IL13RA1: variants seen among roughly 807,000 people sequenced by gnomAD.
The protein encoded by IL13RA1 is interleukin 13 receptor subunit alpha 1, also known as interleukin-13 receptor subunit alpha-1.
A neutral mutation model predicts 33.8 loss-of-function variants in IL13RA1; 14 were observed. The observed-to-expected ratio is 0.41, with a 90% confidence interval of 0.27 to 0.65. The LOEUF is 0.65. Among genes scored for constraint, IL13RA1 ranks in the 30% least tolerant of loss-of-function variants. The pLI is 0.28. For synonymous variants in IL13RA1, 116 were observed against 115.7 expected (o/e 1.00, Z -0.02); for missense variants, 313 against 327.0 (o/e 0.96, Z 0.33).
chrX:118,796,821 C>T (rs2018034844), downstream of IL13RA1, among the ~76,000 whole-genome samples: 1 of 112,911 alleles, frequency 8.9e-6, no homozygotes, highest in South Asian at 3.6e-4. Flanking sequence ...CAGGCGTGAG[C>T]CACCGTGCCT....
chrX:118,746,610 C>G (rs934835814), intron 2 of IL13RA1, among the ~76,000 whole-genome samples: 2 of 110,344 alleles, frequency 1.8e-5, no homozygotes, highest in Non-Finnish European at 3.8e-5. Flanking sequence ...GTATCTACAC[C>G]AGGGTTTCTC....
chrX:118,770,896 AC>A (rs2017712057), intron 8 of IL13RA1: 1 of 254,819 alleles, frequency 3.9e-6, no homozygotes, highest in Non-Finnish European at 7.3e-6. Context: ...CCTGCTTCTT[AC>A]CAAAATTCTG....
At chrX:118,766,249 G>A (rs2017647512) in intron 6 of IL13RA1, among the ~76,000 whole-genome samples, 1 of 110,948 alleles carries the variant, frequency 9.0e-6, no homozygotes, top group African/African-American at 3.3e-5. Context: ...CTATAGTTAT[G>A]TATTTATTAA....
chrX:118,734,610 T>C (rs1401954876), intron 1 of IL13RA1, among the ~76,000 whole-genome samples: 1 of 112,526 alleles, frequency 8.9e-6, no homozygotes, highest in African/African-American at 3.2e-5. Flanking sequence ...TAATGTGGTA[T>C]ATTACATTGA....
chrX:118,736,742 A>G (rs1401596232), intron 1 of IL13RA1, among the ~76,000 whole-genome samples: 1 of 111,889 alleles, frequency 8.9e-6, no homozygotes, highest in African/African-American at 3.2e-5. Flanking sequence ...GAGGAGCTGG[A>G]ACTACAGATT....
chrX:118,774,079 A>G (rs2017756176), intron 9 of IL13RA1, 104 bp downstream of exon 9: 5 of 458,408 alleles, frequency 1.1e-5, no homozygotes, highest in South Asian at 7.5e-5. Flanking sequence ...TATTAGAAGC[A>G]TGTTGCCTGT....
At position 118,760,655 on chromosome X, in the gene IL13RA1, T is replaced by C. The variant is rs183186783; in HGVS notation, c.677-483T>C. On this transcript the variant is annotated intron_variant, in intron 5 of 10. Coordinates refer to ENST00000371666, the MANE Select transcript of IL13RA1 (RefSeq NM_001560.3). ...AACTTCTTCTATAATTGTGGCTAAA[T>C]AGAAATTCTAAAACTATGTATCTGA... 1.7e-3 allele frequency among the ~76,000 whole-genome samples: 186 copies of C among 112,339 alleles called. 5 individuals carry two copies. The South Asian group carries it at 0.035, about 21-fold the overall frequency.
chrX:118,788,971 T>C (rs1159378863), intron 10 of IL13RA1, among the ~76,000 whole-genome samples: 2 of 112,227 alleles, frequency 1.8e-5, no homozygotes, highest in Non-Finnish European at 3.8e-5. Flanking sequence ...ATTTGGAATT[T>C]CAGATTTTTG....
intron 8 of IL13RA1, among the ~76,000 whole-genome samples, chrX:118,768,384 G>T (rs975112781): frequency 4.5e-5 from 5 of 111,988 alleles, no homozygotes; most frequent in African/African-American, 1.3e-4. Flanking sequence ...CAGTCAAGCT[G>T]CAATGAGAAC....
rs190094916 is a variant in IL13RA1, at chrX:118,765,958, A to T, written c.829-572A>T. On this transcript the variant is annotated intron_variant, in intron 6 of 10. Coordinates refer to ENST00000371666, the MANE Select transcript of IL13RA1 (RefSeq NM_001560.3). Reference sequence around the variant, plus strand: ...GTTCAAGTCTTTTGCCAGTTTTTTTAAAATTGGGTTTTCTGTTTTTGCCTT... The same window carrying T: ...GTTCAAGTCTTTTGCCAGTTTTTTTTAAATTGGGTTTTCTGTTTTTGCCTT... Among the ~76,000 whole-genome samples the T allele has an allele frequency of 3.3e-3, 369 of 112,101 alleles. 4 individuals are homozygous for T. The highest frequency in any genetic ancestry group is 0.011 in the African/African-American group (344 of 30,925).
At chrX:118,727,824 C>T in intron 1 of IL13RA1, 98 bp downstream of exon 1, 1 of 350,913 alleles carries the variant, frequency 2.8e-6, no homozygotes, top group Non-Finnish European at 4.3e-6. Context: ...GGCGGAGGGC[C>T]GAAGCTGGGG....
At chrX:118,797,376 T>G (rs774637598), downstream of IL13RA1, among the ~76,000 whole-genome samples, 1 of 112,350 alleles carries the variant, frequency 8.9e-6, no homozygotes, top group South Asian at 3.7e-4. Context: ...ATTAATACAT[T>G]AGATGAAACC....
At chrX:118,780,832 A>G (rs1302409962) in intron 10 of IL13RA1, among the ~76,000 whole-genome samples, 2 of 112,097 alleles carry the variant, frequency 1.8e-5, no homozygotes, top group Non-Finnish European at 3.8e-5. Flanking sequence ...TAGAGAGGCA[A>G]CTGCAAAACC....
At chrX:118,771,013 AC>A (rs1256819824) in intron 8 of IL13RA1, among the ~76,000 whole-genome samples, 1 of 109,735 alleles carries the variant, frequency 9.1e-6, no homozygotes, top group African/African-American at 3.3e-5. Flanking sequence ...TTACCCACTT[AC>A]TCTTGGGGGC....
intron 8 of IL13RA1, among the ~76,000 whole-genome samples, chrX:118,772,733 C>T (rs1269986593): frequency 8.9e-6 from 1 of 112,138 alleles, no homozygotes; most frequent in Non-Finnish European, 1.9e-5. Context: ...GTTTATACTC[C>T]TTCCTTTAAA....
chrX:118,763,196 T>A (rs1050288256), intron 6 of IL13RA1, among the ~76,000 whole-genome samples: 7 of 112,272 alleles, frequency 6.2e-5, no homozygotes, highest in Admixed American at 3.8e-4. Flanking sequence ...TGATATTTTT[T>A]AAAAAAAGAA....
At chrX:118,785,018 A>T (rs768070665) in intron 10 of IL13RA1, among the ~76,000 whole-genome samples, 13 of 108,627 alleles carry the variant, frequency 1.2e-4, no homozygotes, top group Non-Finnish European at 2.5e-4. Context: ...GTAATTTTAG[A>T]TCTTTTTTTT....
intron 10 of IL13RA1, among the ~76,000 whole-genome samples, chrX:118,790,482 TTCTCTTGGGTAA>T (rs2017963914): frequency 8.9e-6 from 1 of 112,160 alleles, no homozygotes; most frequent in Non-Finnish European, 1.9e-5. Context: ...ATGTTTTCAT[TTCTCTTGGGTAA>T]ATACCTGGGA....
chrX:118,737,077 T>G (rs2017291104), intron 1 of IL13RA1, among the ~76,000 whole-genome samples: 1 of 112,589 alleles, frequency 8.9e-6, no homozygotes, highest in Non-Finnish European at 1.9e-5. Flanking sequence ...TGGGGATAGG[T>G]GCAACCACAA....
Sources: gnomAD v4.1 joint callset for allele counts (sites outside exome capture counted in the v4.1 genomes callset) on GRCh38, gnomAD v4.1.1 for gene constraint, MANE v1.5 for transcripts, NCBI Gene and HGNC (gene_info 2026-07-23, HGNC 2026-07-21) for gene names.